The following LINGO2 variants were observed in gnomAD, a reference collection of about 807,000 sequenced individuals.
LINGO2 encodes leucine rich repeat and Ig domain containing 2.
A neutral mutation model predicts 30.6 loss-of-function variants in LINGO2; 14 were observed. The ratio of observed to expected loss-of-function variants is 0.46; its 90% CI spans 0.30 to 0.72. LINGO2 has a LOEUF of 0.72. LINGO2 is among the 30% of genes least tolerant of loss of function. LINGO2 has a pLI of 0.07. For missense variants in LINGO2, 729 were observed against 751.7 expected, an observed-to-expected ratio of 0.97 and a Z score of 0.35; for synonymous variants, 317 against 288.5, an observed-to-expected ratio of 1.10 and a Z score of -1.00.
chr9:28,045,511 TAA>T (rs1319997401), intron 4 of LINGO2, among the ~76,000 whole-genome samples: 19 of 152,308 alleles, frequency 1.2e-4, no homozygotes, highest in African/African-American at 4.6e-4. Flanking sequence ...CTCAGAATTT[TAA>T]AAGTGATTAT....
At chr9:29,012,043 T>G in the LINGO2 span, among the ~76,000 whole-genome samples, 3 of 152,198 alleles carry the variant, frequency 2.0e-5, no homozygotes, top group Non-Finnish European at 2.9e-5. Flanking sequence ...ATTGCATAAT[T>G]TAATAATCAA....
chr9:28,781,832 T>C, the LINGO2 span, among the ~76,000 whole-genome samples: 2 of 152,186 alleles, frequency 1.3e-5, no homozygotes, highest in Admixed American at 6.5e-5. Flanking sequence ...ATATTATAAA[T>C]GAAAACCTCA....
chr9:28,753,456 T>A, the LINGO2 span, among the ~76,000 whole-genome samples: 2 of 152,044 alleles, frequency 1.3e-5, no homozygotes, highest in Admixed American at 1.3e-4. Flanking sequence ...TCTTCAGAGT[T>A]AGTCCTCAAA....
chr9:28,715,173 G>A, the LINGO2 span, among the ~76,000 whole-genome samples: 22 of 152,140 alleles, frequency 1.4e-4, no homozygotes, highest in Admixed American at 4.6e-4. Context: ...TGCTTTCAGT[G>A]TTCACTGTCT....
chr9:28,317,667 C>T (rs898803498), intron 3 of LINGO2, among the ~76,000 whole-genome samples: 16 of 152,064 alleles, frequency 1.1e-4, no homozygotes, highest in African/African-American at 3.1e-4. Flanking sequence ...TTTCAAAAGA[C>T]GTTCATTCTA....
exon 6 of LINGO2, chr9:27,949,295 T>C (rs1311278448): frequency 6.2e-7 from 1 of 1,614,066 alleles, no homozygotes. Flanking sequence ...ACACGGTGGC[T>C]CTTCCATTGG....
chr9:28,727,170 TA>T, the LINGO2 span, among the ~76,000 whole-genome samples: 2 of 152,176 alleles, frequency 1.3e-5, no homozygotes, highest in African/African-American at 4.8e-5. Context: ...ATATTAAAAT[TA>T]GACTCTTAAC....
intron 2 of LINGO2, among the ~76,000 whole-genome samples, chr9:28,475,515 C>T (rs111311475): frequency 2.8e-4 from 43 of 152,044 alleles, no homozygotes; most frequent in African/African-American, 5.3e-4. Flanking sequence ...AAATAATACA[C>T]GAAAGTATTT....
chr9:28,216,449 C>T (rs1379133005), intron 4 of LINGO2, among the ~76,000 whole-genome samples: 3 of 151,840 alleles, frequency 2.0e-5, no homozygotes, highest in African/African-American at 7.2e-5. Flanking sequence ...GAATGTGTAG[C>T]ATAACTCACT....
At chr9:28,897,231 A>G in the LINGO2 span, among the ~76,000 whole-genome samples, 25 of 152,206 alleles carry the variant, frequency 1.6e-4, 1 homozygote, top group Non-Finnish European at 2.8e-4. Context: ...GACATAGTTT[A>G]TGTTAGCACA....
chr9:28,167,498 A>C (rs1020650440), intron 4 of LINGO2, among the ~76,000 whole-genome samples: 3 of 152,206 alleles, frequency 2.0e-5, no homozygotes, highest in Non-Finnish European at 4.4e-5. Context: ...CTCATGCCTC[A>C]ACCTCCTGAG....
chr9:28,705,610 G>A, the LINGO2 span, among the ~76,000 whole-genome samples: 2 of 152,060 alleles, frequency 1.3e-5, no homozygotes. Flanking sequence ...TGCTCCCACT[G>A]CCAGAATCAG....
intron 2 of LINGO2, among the ~76,000 whole-genome samples, chr9:28,451,865 CATA>C (rs1485464924): frequency 3.3e-5 from 5 of 151,372 alleles, no homozygotes; most frequent in South Asian, 2.1e-4. Context: ...TGAATATGTG[CATA>C]ATAATGATCA....
At chr9:28,104,266 G>GTTTTTTTTTTTTTTTTTTTTTTT (rs74180789) in intron 4 of LINGO2, among the ~76,000 whole-genome samples, 1 of 97,430 alleles carries the variant, frequency 1.0e-5, no homozygotes, top group Non-Finnish European at 1.9e-5. Context: ...TTTTTTGTTT[G>GTTTTTTTTTTTTTTTTTTTTTTT]TTTTTTTTTT....
chr9:28,041,895 A>G (rs557935533), intron 4 of LINGO2, among the ~76,000 whole-genome samples: 4 of 152,296 alleles, frequency 2.6e-5, no homozygotes, highest in South Asian at 2.1e-4. Context: ...CTACTTTAGC[A>G]TGATCTTTGC....
intron 4 of LINGO2, among the ~76,000 whole-genome samples, chr9:28,118,806 A>G (rs1036664109): frequency 6.6e-6 from 1 of 152,228 alleles, no homozygotes; most frequent in African/African-American, 2.4e-5. Context: ...AGTAAAGGAC[A>G]AAATACTAAT....
At chr9:29,132,642 T>A in the LINGO2 span, among the ~76,000 whole-genome samples, 4 of 152,282 alleles carry the variant, frequency 2.6e-5, no homozygotes, top group African/African-American at 9.6e-5. Context: ...TTTCAATAAA[T>A]CTGTGCTTTC....
intron 2 of LINGO2, among the ~76,000 whole-genome samples, chr9:28,440,786 G>A (rs1165576148): frequency 6.6e-6 from 1 of 152,120 alleles, no homozygotes; most frequent in Non-Finnish European, 1.5e-5. Flanking sequence ...ATGCCTCAAT[G>A]ATTAACAAGA....
chr9:28,595,224 T>C (rs181586799), intron 1 of LINGO2, among the ~76,000 whole-genome samples: 110 of 152,220 alleles, frequency 7.2e-4, no homozygotes, highest in African/African-American at 2.6e-3. Flanking sequence ...GTTAAGTGGA[T>C]GCCACCCAGT....
Sources: gnomAD v4.1 joint callset for allele counts (sites outside exome capture counted in the v4.1 genomes callset) on GRCh38, gnomAD v4.1.1 for gene constraint, MANE v1.5 for transcripts, NCBI Gene and HGNC (gene_info 2026-07-23, HGNC 2026-07-21) for gene names.